MALRD1: variants seen among roughly 807,000 people sequenced by gnomAD.
MALRD1 encodes the protein MAM and LDL receptor class A domain containing 1.
In MALRD1, 247 loss-of-function variants were observed where a neutral mutation model predicts 242.1. That is an observed-to-expected ratio of 1.02 (90% CI 0.92 to 1.13). The LOEUF (loss-of-function observed/expected upper bound fraction) is 1.13, where lower values mean the gene tolerates loss of function less well. Ranked by LOEUF, MALRD1 falls within the 50% of genes most tolerant of loss-of-function variation. MALRD1 has a pLI of 0.00. For synonymous variants in MALRD1, 995 were observed against 866.6 expected (o/e 1.15, Z -2.60); for missense variants, 2,989 against 2,533.1 (o/e 1.18, Z -3.86).
At chr10:19,061,470 C>T (rs1834820394) in intron 1 of MALRD1, among the ~76,000 whole-genome samples, 1 of 151,570 alleles carries the variant, frequency 6.6e-6, no homozygotes, top group Admixed American at 6.6e-5. Flanking sequence ...CCTCAAATAA[C>T]CAATAAATAA....
chr10:19,064,858 G>T (rs79335160), intron 1 of MALRD1, among the ~76,000 whole-genome samples: 2 of 151,880 alleles, frequency 1.3e-5, no homozygotes. Context: ...TGCTTCATGC[G>T]GAGCAGGACC....
chr10:19,325,585 A>T (rs115262659), intron 22 of MALRD1, among the ~76,000 whole-genome samples: 6 of 152,160 alleles, frequency 3.9e-5, no homozygotes, highest in Admixed American at 3.3e-4. Flanking sequence ...GAAGAAGCCA[A>T]CTCAATTTTG....
chr10:19,264,463 T>C (rs956079643), intron 19 of MALRD1, among the ~76,000 whole-genome samples: 1 of 122,814 alleles, frequency 8.1e-6, no homozygotes, highest in Admixed American at 8.2e-5. Flanking sequence ...TTTCTTTTTT[T>C]TTTTTTTTGA....
chr10:19,510,920 G>T (rs1227063767), intron 31 of MALRD1, among the ~76,000 whole-genome samples: 1 of 152,178 alleles, frequency 6.6e-6, no homozygotes, highest in African/African-American at 2.4e-5. Flanking sequence ...TTATCCGTGT[G>T]CAGCAAGAGG....
At chr10:19,397,685 A>G (rs1340180909) in intron 28 of MALRD1, among the ~76,000 whole-genome samples, 1 of 152,100 alleles carries the variant, frequency 6.6e-6, no homozygotes, top group East Asian at 1.9e-4. Context: ...TGGCTGTACT[A>G]ATTTATAATC....
At chr10:19,541,139 T>G (rs1564426566) in intron 32 of MALRD1, among the ~76,000 whole-genome samples, 1 of 152,234 alleles carries the variant, frequency 6.6e-6, no homozygotes, top group Non-Finnish European at 1.5e-5. Context: ...GTCTCTAAAT[T>G]TATTCATTTT....
intron 12 of MALRD1, among the ~76,000 whole-genome samples, chr10:19,163,509 AG>A (rs1202621768): frequency 1.4e-5 from 2 of 146,644 alleles, no homozygotes; most frequent in African/African-American, 5.1e-5. Context: ...TTTAGGGGGG[AG>A]GGTGGAGGAG....
At chr10:19,591,108 C>G (rs551679578) in intron 33 of MALRD1, among the ~76,000 whole-genome samples, 8 of 152,284 alleles carry the variant, frequency 5.3e-5, no homozygotes, top group Non-Finnish European at 1.5e-5. Context: ...TTTCCTGTCT[C>G]CATAATTTTG....
At chr10:19,719,223 C>CATACATAT (rs1176551831) in intron 38 of MALRD1, among the ~76,000 whole-genome samples, 6 of 76,432 alleles carry the variant, frequency 7.9e-5, no homozygotes, top group South Asian at 7.9e-4. Context: ...CACATACATA[C>CATACATAT]ATATATATAT....
intron 20 of MALRD1, among the ~76,000 whole-genome samples, chr10:19,281,112 A>G (rs1272644180): frequency 6.6e-6 from 1 of 152,346 alleles, no homozygotes; most frequent in East Asian, 1.9e-4. Flanking sequence ...TTTTTAATGT[A>G]CAAATACACC....
chr10:19,492,734 G>A (rs940657609), intron 30 of MALRD1, among the ~76,000 whole-genome samples: 2 of 152,042 alleles, frequency 1.3e-5, no homozygotes, highest in Non-Finnish European at 2.9e-5. Context: ...CCTGCTAATG[G>A]CCAAGCAAAT....
At chr10:19,294,800 A>G (rs1841612140) in intron 21 of MALRD1, among the ~76,000 whole-genome samples, 1 of 152,124 alleles carries the variant, frequency 6.6e-6, no homozygotes, top group South Asian at 2.1e-4. Flanking sequence ...TTTTTTCACT[A>G]TGGAAAGAAA....
intron 27 of MALRD1, among the ~76,000 whole-genome samples, chr10:19,388,820 A>G (rs188450176): frequency 3.0e-4 from 45 of 151,370 alleles, no homozygotes; most frequent in Middle Eastern, 3.4e-3. Flanking sequence ...AGTGACCCTG[A>G]ATCCCTGGAT....
At chr10:19,163,002 G>T (rs1353322208) in intron 12 of MALRD1, among the ~76,000 whole-genome samples, 2 of 151,290 alleles carry the variant, frequency 1.3e-5, no homozygotes, top group Non-Finnish European at 2.9e-5. Context: ...GCTGGGTGTG[G>T]TGGTGCAAGC....
At chr10:19,461,042 A>G (rs1313719162) in intron 29 of MALRD1, among the ~76,000 whole-genome samples, 15 of 152,166 alleles carry the variant, frequency 9.9e-5, no homozygotes, top group Non-Finnish European at 2.1e-4. Context: ...GATCCGTTGC[A>G]TACATGCCTA....
intron 10 of MALRD1, among the ~76,000 whole-genome samples, chr10:19,142,887 A>G (rs912657894): frequency 6.6e-6 from 1 of 152,226 alleles, no homozygotes; most frequent in Non-Finnish European, 1.5e-5. Flanking sequence ...AAGAACTTCA[A>G]TTTAGTTACC....
intron 38 of MALRD1, among the ~76,000 whole-genome samples, chr10:19,718,022 AAATAAATAAAGAGGAAGAAG>A (rs1441275374): frequency 1.3e-5 from 2 of 151,298 alleles, no homozygotes; most frequent in African/African-American, 4.9e-5. Context: ...ATAAATAAAT[AAATAAATAAAGAGGAAGAAG>A]AAGAGGAAGA....
intron 11 of MALRD1, among the ~76,000 whole-genome samples, chr10:19,150,462 T>G (rs1172761144): frequency 1.3e-5 from 2 of 152,164 alleles, no homozygotes; most frequent in African/African-American, 4.8e-5. Context: ...AAGGGGCAGC[T>G]GGCACTCTGT....
chr10:19,498,997 G>T (rs918979854), intron 31 of MALRD1, among the ~76,000 whole-genome samples: 7 of 152,252 alleles, frequency 4.6e-5, no homozygotes, highest in African/African-American at 1.4e-4. Flanking sequence ...AATGCTAAAA[G>T]TTATCCTGTT....
Sources: gnomAD v4.1 joint callset for allele counts (sites outside exome capture counted in the v4.1 genomes callset) on GRCh38, gnomAD v4.1.1 for gene constraint, MANE v1.5 for transcripts, NCBI Gene and HGNC (gene_info 2026-07-23, HGNC 2026-07-21) for gene names.